Variants in DEFB124 observed in about 807,000 individuals in gnomAD.
The protein encoded by DEFB124 is beta-defensin 124.
For missense variants in DEFB124, 78 were observed against 83.1 expected (o/e 0.94, Z 0.24); for synonymous variants, 38 against 36.5 (o/e 1.04, Z -0.15).
At chr20:31,468,753 G>C (rs1440589514) in intron 2 of DEFB124, among the ~76,000 whole-genome samples, 3 of 152,042 alleles carry the variant, frequency 2.0e-5, no homozygotes, top group Non-Finnish European at 4.4e-5. Flanking sequence ...GGGATTACAG[G>C]CGTGAGCCAC....
intron 1 of DEFB124, among the ~76,000 whole-genome samples, chr20:31,474,055 A>AGGTT (rs1980407681): frequency 6.6e-6 from 1 of 152,196 alleles, no homozygotes; most frequent in Non-Finnish European, 1.5e-5. Context: ...CTGGGAGGAG[A>AGGTT]GGTTGAAATG....
chr20:31,465,679 C>A lies in DEFB124; in HGVS notation c.59-16G>T. 6.2e-7 allele frequency: 1 copy of A among 1,612,408 alleles called. No homozygotes were observed. The highest frequency in any genetic ancestry group is 8.5e-7 in the Non-Finnish European group (1 of 1,179,706). Reference sequence around the variant, plus strand: ...TCACTTCTCCCTAAACAGAGGAAAACCACAGGTCACAGAGCAGCCCATGGG... The same window carrying A: ...TCACTTCTCCCTAAACAGAGGAAAAACACAGGTCACAGAGCAGCCCATGGG... On this transcript the variant is annotated splice_polypyrimidine_tract_variant and intron_variant, in intron 2 of 2. Coordinates refer to ENST00000317676, the MANE Select transcript of DEFB124 (RefSeq NM_001037500.2).
chr20:31,466,514 C>A (rs1980085777), intron 2 of DEFB124, among the ~76,000 whole-genome samples: 1 of 151,336 alleles, frequency 6.6e-6, no homozygotes, highest in African/African-American at 2.4e-5. Flanking sequence ...ACAGAAGAAT[C>A]GCTTGAACCC....
intron 1 of DEFB124, among the ~76,000 whole-genome samples, 108 bp downstream of exon 1, chr20:31,474,519 C>A (rs562469109): frequency 8.3e-4 from 127 of 152,342 alleles, no homozygotes; most frequent in Non-Finnish European, 1.3e-3. Flanking sequence ...CACACAGACA[C>A]ACCCCAATTT....
intron 2 of DEFB124, among the ~76,000 whole-genome samples, chr20:31,466,988 C>G (rs182825574): frequency 9.3e-4 from 142 of 152,226 alleles, no homozygotes; most frequent in African/African-American, 3.2e-3. Context: ...CATATAAATA[C>G]AAGAAATAGA....
In DEFB124 at chr20:31,467,945, G is replaced by T. The variant is rs139264809; in HGVS notation, c.59-2282C>A. 4.4e-3 allele frequency among the ~76,000 whole-genome samples: 671 copies of T among 152,182 alleles called. 4 individuals are homozygous for T. The highest frequency in any genetic ancestry group is 4.0e-3 in the Non-Finnish European group (269 of 68,010). ...TCTTTTTGTTTTTTGTAGAGATGGG[G>T]TCTCCCTATGTTGCCCATGCTGGTC... On this transcript the variant is annotated intron_variant, in intron 2 of 2. Transcript: ENST00000317676.
chr20:31,468,607 C>G (rs6119403), intron 2 of DEFB124, among the ~76,000 whole-genome samples: 1 of 152,004 alleles, frequency 6.6e-6, no homozygotes, highest in African/African-American at 2.4e-5. Context: ...TCCCGAGTAG[C>G]TGGGATTACA....
At chr20:31,471,646 C>CG (rs1980314295) in intron 2 of DEFB124, among the ~76,000 whole-genome samples, 1 of 142,748 alleles carries the variant, frequency 7.0e-6, no homozygotes, top group Non-Finnish European at 1.5e-5. Context: ...ACTTCTCAGA[C>CG]GGGGCAGCTG....
intron 2 of DEFB124, among the ~76,000 whole-genome samples, chr20:31,471,188 A>AC (rs1275776905): frequency 6.7e-4 from 66 of 98,512 alleles, no homozygotes; most frequent in African/African-American, 2.4e-3. Context: ...CGGGGGGCTG[A>AC]CTCCCCCACC....
At chr20:31,471,647 G>T (rs1165639030) in intron 2 of DEFB124, among the ~76,000 whole-genome samples, 1 of 147,990 alleles carries the variant, frequency 6.8e-6, no homozygotes. Flanking sequence ...CTTCTCAGAC[G>T]GGGCAGCTGC....
At chr20:31,471,311 G>A (rs1980287923) in intron 2 of DEFB124, among the ~76,000 whole-genome samples, 4 of 125,546 alleles carry the variant, frequency 3.2e-5, no homozygotes, top group African/African-American at 3.2e-5. Flanking sequence ...CGGGCGGGGG[G>A]CTGACCCCCC....
intron 2 of DEFB124, among the ~76,000 whole-genome samples, chr20:31,467,645 A>C (rs1339115596): frequency 6.6e-6 from 1 of 152,118 alleles, no homozygotes; most frequent in Non-Finnish European, 1.5e-5. Context: ...AAATCCTCTC[A>C]CTCACCAGTA....
intron 1 of DEFB124, among the ~76,000 whole-genome samples, chr20:31,473,503 T>C (rs1980391491): frequency 6.6e-6 from 1 of 152,094 alleles, no homozygotes; most frequent in South Asian, 2.1e-4. Context: ...GGAAGAGTAA[T>C]AGTACCCATG....
chr20:31,473,081 C>G, intron 1 of DEFB124, 43 bp from the exon 2 acceptor site: 1 of 1,568,732 alleles, frequency 6.4e-7, no homozygotes, highest in Non-Finnish European at 8.7e-7. Context: ...GGCTGAGCCT[C>G]GCTGCTTCCA....
chr20:31,471,129 C>A (rs1323042410), intron 2 of DEFB124, among the ~76,000 whole-genome samples: 3 of 127,132 alleles, frequency 2.4e-5, no homozygotes, highest in South Asian at 2.6e-4. Flanking sequence ...GCTGGCCGGG[C>A]GGGGGGTTGA....
At chr20:31,469,827 A>T (rs1980183515) in intron 2 of DEFB124, among the ~76,000 whole-genome samples, 1 of 149,848 alleles carries the variant, frequency 6.7e-6, no homozygotes, top group Non-Finnish European at 1.5e-5. Flanking sequence ...GAACAAAATG[A>T]AAAGTCTCCC....
intron 2 of DEFB124, among the ~76,000 whole-genome samples, chr20:31,470,829 GT>G: frequency 7.1e-6 from 1 of 141,558 alleles, no homozygotes; most frequent in Non-Finnish European, 1.6e-5. Flanking sequence ...GCCGGGCGGG[GT>G]GCTGATCCCC....
intron 2 of DEFB124, among the ~76,000 whole-genome samples, chr20:31,472,431 AGG>A (rs1491433759): frequency 8.5e-6 from 1 of 117,660 alleles, no homozygotes; most frequent in Non-Finnish European, 1.8e-5. Flanking sequence ...GAGAGGGGAG[AGG>A]GGAGAAGGGA....
intron 2 of DEFB124, 125 bp from the exon 3 acceptor site, chr20:31,465,788 T>C: frequency 8.9e-7 from 1 of 1,119,934 alleles, no homozygotes; most frequent in Non-Finnish European, 1.3e-6. Context: ...TTCTGTTAGA[T>C]CACTAGTCAC....
Sources: allele counts gnomAD v4.1 joint callset (sites outside exome capture counted in the v4.1 genomes callset), GRCh38; gene constraint gnomAD v4.1.1; transcripts MANE v1.5; gene names NCBI Gene and HGNC (gene_info 2026-07-23, HGNC 2026-07-21).